CABLES1: variants seen among roughly 807,000 people sequenced by gnomAD.
The protein encoded by CABLES1 is CDK5 and ABL1 enzyme substrate 1.
A neutral mutation model predicts 57.8 loss-of-function variants in CABLES1; 36 were observed. That is an observed-to-expected ratio of 0.62 (90% confidence interval 0.48 to 0.82). The LOEUF (loss-of-function observed/expected upper bound fraction) is 0.82, where lower values mean the gene tolerates loss of function less well. Among genes scored for constraint, CABLES1 ranks in the 40% least tolerant of loss-of-function variants. CABLES1 has a pLI of 0.00. For missense variants in CABLES1, 767 were observed against 836.6 expected, an observed-to-expected ratio of 0.92 and a Z score of 1.03; for synonymous variants, 374 against 363.0, an observed-to-expected ratio of 1.03 and a Z score of -0.35.
chr18:23,195,402 G>T (rs1014294699), intron 3 of CABLES1, among the ~76,000 whole-genome samples: 1 of 152,098 alleles, frequency 6.6e-6, no homozygotes, highest in African/African-American at 2.4e-5. Flanking sequence ...AGACCATATG[G>T]GCCCCACTAA....
chr18:23,151,307 T>C (rs112571407), intron 1 of CABLES1, among the ~76,000 whole-genome samples: 4,449 of 151,848 alleles, frequency 0.029, 167 homozygotes, highest in African/African-American at 0.086. Context: ...CGTGAGCCAC[T>C]GTGCCGGGCC....
At chr18:23,236,290 C>A (rs894778456) in intron 6 of CABLES1, among the ~76,000 whole-genome samples, 2 of 152,184 alleles carry the variant, frequency 1.3e-5, no homozygotes, top group African/African-American at 4.8e-5. Context: ...ACGCCAAGGC[C>A]GTGCACACCA....
At chr18:23,218,871 G>A (rs2047464418) in intron 4 of CABLES1, among the ~76,000 whole-genome samples, 1 of 152,186 alleles carries the variant, frequency 6.6e-6, no homozygotes, top group Non-Finnish European at 1.5e-5. Flanking sequence ...CCTGATGGAG[G>A]CTGGGGAAGG....
At chr18:23,174,821 CAT>C (rs569579022) in intron 1 of CABLES1, among the ~76,000 whole-genome samples, 9,257 of 94,128 alleles carry the variant, frequency 0.098, 329 homozygotes, top group East Asian at 0.13. Context: ...CATGTTACAC[CAT>C]ATATATATAT....
At position 23,191,314 on chromosome 18, in the gene CABLES1, AG is replaced by A. The variant is rs1212562487; in HGVS notation, c.917+2406del. On this transcript the variant is annotated intron_variant, in intron 2 of 9. Coordinates refer to ENST00000256925, the MANE Select transcript of CABLES1 (RefSeq NM_001100619.3). ...ACTTAGACATTCACTTATTCCTAGG[AG>A]TTATATTAGCATGATGTAGAAGAAG... 4.6e-5 allele frequency among the ~76,000 whole-genome samples: 7 copies of A among 152,166 alleles called. No individual in the cohort carries two copies. In the East Asian group the frequency reaches 1.3e-3, roughly 29 times the overall value.
chr18:23,251,548 CCCAGAAAAA>C (rs1322852350), intron 7 of CABLES1, among the ~76,000 whole-genome samples: 8 of 152,072 alleles, frequency 5.3e-5, no homozygotes, highest in African/African-American at 1.7e-4. Context: ...CTGGAGGAAA[CCCAGAAAAA>C]AATTGTTTAA....
Position 23,194,462 on chromosome 18 carries a change from C to T in CABLES1, c.932C>T (p.Ser311Leu), listed in dbSNP as rs1293948196. The T allele has an allele frequency of 6.2e-7, 1 of 1,610,596 alleles. No homozygotes were observed. The highest frequency in any genetic ancestry group is 8.5e-7 in the Non-Finnish European group (1 of 1,176,922). Residue 311 changes from serine (S) to leucine (L), a missense_variant, in exon 3 of 10, where the codon TCA (serine) becomes TTA (leucine). Ser to Leu is a moderately radical substitution (Grantham distance 145). Transcript: ENST00000256925. Reference sequence around the variant, plus strand: ...TTATTTTTCAGATGTCGAACTCTCTCAGGTTCACCCAGACCAAAGAATTTT... The same window carrying T: ...TTATTTTTCAGATGTCGAACTCTCTTAGGTTCACCCAGACCAAAGAATTTT... ...NAPLRRCRTL[S>L]GSPRPKNFKK...
chr18:23,160,542 A>G (rs1017225140), intron 1 of CABLES1, among the ~76,000 whole-genome samples: 7 of 152,020 alleles, frequency 4.6e-5, no homozygotes, highest in African/African-American at 1.7e-4. Flanking sequence ...GACCTTGAGC[A>G]TGTCTGTTGT....
intron 1 of CABLES1, among the ~76,000 whole-genome samples, chr18:23,184,181 A>T (rs2047186259): frequency 6.6e-6 from 1 of 152,176 alleles, no homozygotes; most frequent in African/African-American, 2.4e-5. Flanking sequence ...TTCCATTCAC[A>T]AAGAAGGGAA....
At chr18:23,237,759 TG>T (rs2047638263) in intron 7 of CABLES1, among the ~76,000 whole-genome samples, 1 of 152,284 alleles carries the variant, frequency 6.6e-6, no homozygotes, top group Non-Finnish European at 1.5e-5. Flanking sequence ...GGACTCTTCC[TG>T]TTTTTCCCTG....
chr18:23,207,575 A>AT (rs1221067574), intron 3 of CABLES1, among the ~76,000 whole-genome samples: 2 of 152,160 alleles, frequency 1.3e-5, no homozygotes, highest in Non-Finnish European at 2.9e-5. Flanking sequence ...GCATGGAGGT[A>AT]TCTCCCAACC....
intron 7 of CABLES1, among the ~76,000 whole-genome samples, chr18:23,252,226 G>A (rs1185181921): frequency 1.3e-5 from 2 of 152,234 alleles, no homozygotes; most frequent in South Asian, 2.1e-4. Context: ...AGTGGATGGG[G>A]AGTTGGCATT....
chr18:23,183,339 GT>G (rs57735896), intron 1 of CABLES1, among the ~76,000 whole-genome samples: 144 of 152,220 alleles, frequency 9.5e-4, no homozygotes, highest in African/African-American at 3.2e-3. Flanking sequence ...CCAGCCCTGC[GT>G]CCCGGGAGTA....
At chr18:23,158,811 G>A (rs1046158648) in intron 1 of CABLES1, among the ~76,000 whole-genome samples, 6 of 152,318 alleles carry the variant, frequency 3.9e-5, no homozygotes, top group South Asian at 2.1e-4. Context: ...GCAAAGCAGC[G>A]TAATTGGGTG....
In CABLES1 at chr18:23,209,802, G is replaced by GAGAC. The variant is rs33954516; in HGVS notation, c.1011-4173_1011-4170dup. Among the ~76,000 whole-genome samples, 740 of 151,680 alleles carry GAGAC rather than the reference G, an allele frequency of 4.9e-3. 5 individuals carry two copies. The highest frequency in any genetic ancestry group is 0.015 in the African/African-American group (639 of 41,254). On this transcript the variant is annotated intron_variant, in intron 3 of 9. Coordinates refer to ENST00000256925, the MANE Select transcript of CABLES1 (RefSeq NM_001100619.3). Reference sequence around the variant, plus strand: ...AATACTTGAGGACCGTGGCTGGTGAGAGACATTGCCAGTGCTGGGCTGAGG... The same window carrying GAGAC: ...AATACTTGAGGACCGTGGCTGGTGAGAGACAGACATTGCCAGTGCTGGGCTGAGG...
intron 1 of CABLES1, among the ~76,000 whole-genome samples, chr18:23,148,634 C>G (rs1359981264): frequency 6.6e-6 from 1 of 152,198 alleles, no homozygotes; most frequent in African/African-American, 2.4e-5. Flanking sequence ...CAGCTGGACT[C>G]TGGGGCAGCC....
rs545568730 is a variant in CABLES1, at chr18:23,165,974, G to A, written c.846-22864G>A. On this transcript the variant is annotated intron_variant, in intron 1 of 9. Coordinates refer to ENST00000256925, the MANE Select transcript of CABLES1 (RefSeq NM_001100619.3). ...GACACTCCCATTTCAAGGGAAATGA[G>A]TGATCTTCTGTGCGCAGAAAAGCAG... Among the ~76,000 whole-genome samples the A allele has an allele frequency of 1.8e-4, 27 of 152,328 alleles. No homozygotes were observed. In the South Asian group the frequency reaches 3.5e-3, roughly 20 times the overall value.
rs1267527136 is a variant in CABLES1 at position 23,257,568 on chromosome 18, T to A, written c.*201T>A. On this transcript the variant is annotated 3_prime_UTR_variant, in exon 10 of 10. Transcript: ENST00000256925. ...AGAGGAGCCATGAGCTATGGACTCC[T>A]CAAGCACGGGAAGAGGAGGTGTGTG... 7.6e-6 allele frequency: 4 copies of A among 526,478 alleles called. No individual in the cohort carries two copies. In the African/African-American group the frequency reaches 7.9e-5, roughly 10 times the overall value. 32.6% of individuals were successfully genotyped at this position (526,478 alleles called of 1,614,324 possible). A position where few individuals can be genotyped will look rare whatever the true frequency, so the allele number is the denominator to read the frequency against.
At chr18:23,240,552 T>C (rs529421105) in intron 7 of CABLES1, among the ~76,000 whole-genome samples, 57 of 152,356 alleles carry the variant, frequency 3.7e-4, no homozygotes, top group African/African-American at 1.2e-3. Context: ...TAGGCTAGTG[T>C]GAGGATCTCT....
Sources: allele counts gnomAD v4.1 joint callset (sites outside exome capture counted in the v4.1 genomes callset), GRCh38; gene constraint gnomAD v4.1.1; transcripts MANE v1.5; gene names NCBI Gene and HGNC (gene_info 2026-07-23, HGNC 2026-07-21).